B3GALT5: variants seen among roughly 807,000 people sequenced by gnomAD.
B3GALT5 encodes the protein beta-1,3-galactosyltransferase 5.
For synonymous variants in B3GALT5, 156 were observed against 158.6 expected (o/e 0.98, Z 0.12); for missense variants, 328 against 396.6 (o/e 0.83, Z 1.47).
intron 2 of B3GALT5, among the ~76,000 whole-genome samples, chr21:39,656,566 G>T (rs1298606061): frequency 6.6e-6 from 1 of 152,176 alleles, no homozygotes; most frequent in East Asian, 1.9e-4. Context: ...TCATAGTGGG[G>T]CTTGGCCATT....
chr21:39,658,631 G>GAAGA (rs2146216053), intron 2 of B3GALT5, among the ~76,000 whole-genome samples: 1 of 152,258 alleles, frequency 6.6e-6, no homozygotes, highest in Admixed American at 6.5e-5. Context: ...AGGAAGGAAG[G>GAAGA]AGAGAAGGAA....
chr21:39,632,592 A>G (rs2079199346), intron 1 of B3GALT5, among the ~76,000 whole-genome samples: 1 of 152,240 alleles, frequency 6.6e-6, no homozygotes, highest in Non-Finnish European at 1.5e-5. Flanking sequence ...AATGGCCCCC[A>G]TTTTAACAGA....
At chr21:39,615,552 T>A (rs2079103186) in intron 1 of B3GALT5, among the ~76,000 whole-genome samples, 1 of 152,242 alleles carries the variant, frequency 6.6e-6, no homozygotes, top group African/African-American at 2.4e-5. Flanking sequence ...GAGTGGCTGA[T>A]CATTCATTCA....
chr21:39,632,038 A>C (rs1246817094), intron 1 of B3GALT5, among the ~76,000 whole-genome samples: 1 of 152,242 alleles, frequency 6.6e-6, no homozygotes, highest in Non-Finnish European at 1.5e-5. Flanking sequence ...ATGGATTGCC[A>C]CTGTGAAGTT....
chr21:39,658,281 G>T (rs2079469811), intron 2 of B3GALT5, among the ~76,000 whole-genome samples: 1 of 152,034 alleles, frequency 6.6e-6, no homozygotes, highest in South Asian at 2.1e-4. Flanking sequence ...CACCTGCTCT[G>T]CCTCCTGGGA....
intron 1 of B3GALT5, among the ~76,000 whole-genome samples, chr21:39,639,112 T>C (rs1190371642): frequency 6.6e-6 from 1 of 152,198 alleles, no homozygotes; most frequent in African/African-American, 2.4e-5. Flanking sequence ...ATTTCTGCCA[T>C]GTAGACGGAA....
intron 1 of B3GALT5, among the ~76,000 whole-genome samples, chr21:39,642,873 C>CAAAAAAAAAA (rs1210751363): frequency 2.0e-5 from 2 of 100,078 alleles, no homozygotes; most frequent in Non-Finnish European, 4.5e-5. Flanking sequence ...CCCATTGCCA[C>CAAAAAAAAAA]AAAAAAAAAA....
At chr21:39,637,097 C>T (rs1474510703) in intron 1 of B3GALT5, among the ~76,000 whole-genome samples, 3 of 152,182 alleles carry the variant, frequency 2.0e-5, no homozygotes, top group African/African-American at 7.2e-5. Flanking sequence ...GCCGAGCACA[C>T]GGGGCCAGCA....
At position 39,661,483 on chromosome 21, in the gene B3GALT5, G is replaced by T. The variant is rs753952483; in HGVS notation, c.924G>T (p.Pro308=). Residue 308 remains proline, a synonymous_variant, in exon 4 of 4, where the codon CCG becomes CCT. Transcript: ENST00000684187. This position sits in a 1 kb window ranked among gnomAD's most constrained non-coding sequence, Gnocchi z 4.7. ...AGAATTCCCGGGGGGAAGATTGTCC[G>T]CCTGTCTGAGGGGAGCCCAGAGGCA... ...ALENSRGEDC[P]PV 3 of 1,508,528 alleles carry T rather than the reference G, an allele frequency of 2.0e-6. No homozygotes were observed. 93.4% of individuals were successfully genotyped at this position (1,508,528 alleles called of 1,614,324 possible).
chr21:39,615,505 G>T (rs1279477622), intron 1 of B3GALT5, among the ~76,000 whole-genome samples: 2 of 152,166 alleles, frequency 1.3e-5, no homozygotes, highest in African/African-American at 4.8e-5. Flanking sequence ...AGAAGACATC[G>T]GAGCCAGAAG....
intron 1 of B3GALT5, among the ~76,000 whole-genome samples, chr21:39,634,373 TG>T (rs1330051360): frequency 6.6e-6 from 1 of 152,016 alleles, no homozygotes; most frequent in African/African-American, 2.4e-5. Flanking sequence ...ACTTCAGAGG[TG>T]GGAAAACGTT....
At chr21:39,633,210 C>T (rs557952393) in intron 1 of B3GALT5, among the ~76,000 whole-genome samples, 1 of 152,022 alleles carries the variant, frequency 6.6e-6, no homozygotes, top group African/African-American at 2.4e-5. Context: ...TCTGTGGACC[C>T]CTGGTCTTAT....
chr21:39,617,697 G>A (rs745511720), intron 1 of B3GALT5, among the ~76,000 whole-genome samples: 14 of 152,170 alleles, frequency 9.2e-5, no homozygotes, highest in Non-Finnish European at 1.6e-4. Context: ...AGCCCAGGAC[G>A]GCTTTGAATG....
intron 1 of B3GALT5, among the ~76,000 whole-genome samples, chr21:39,614,159 A>G (rs1233161720): frequency 1.3e-5 from 2 of 152,146 alleles, no homozygotes; most frequent in East Asian, 1.9e-4. Context: ...CCATCTTTAC[A>G]TGTACCTTTT....
At chr21:39,636,052 G>A (rs539762874) in intron 1 of B3GALT5, among the ~76,000 whole-genome samples, 96 of 152,130 alleles carry the variant, frequency 6.3e-4, no homozygotes, top group African/African-American at 2.2e-3. Context: ...ATTTCCATCC[G>A]TGGACATGAT....
intron 1 of B3GALT5, among the ~76,000 whole-genome samples, chr21:39,636,955 C>T (rs969002851): frequency 2.6e-5 from 4 of 152,270 alleles, no homozygotes; most frequent in Admixed American, 2.6e-4. Context: ...CATGTGTTGT[C>T]TTTCTCATTC....
At chr21:39,619,424 G>T (rs1241557017) in intron 1 of B3GALT5, among the ~76,000 whole-genome samples, 1 of 152,012 alleles carries the variant, frequency 6.6e-6, no homozygotes, top group African/African-American at 2.4e-5. Context: ...TCACATTGGG[G>T]TTAGAGCTTT....
At chr21:39,649,068 C>CCT in intron 2 of B3GALT5, among the ~76,000 whole-genome samples, 1 of 152,216 alleles carries the variant, frequency 6.6e-6, no homozygotes, top group Non-Finnish European at 1.5e-5. Flanking sequence ...AAAATGCCTT[C>CCT]CAGCTCTAAA....
At chr21:39,647,587 G>A (rs1254314913) in intron 2 of B3GALT5, among the ~76,000 whole-genome samples, 1 of 152,076 alleles carries the variant, frequency 6.6e-6, no homozygotes, top group Non-Finnish European at 1.5e-5. Flanking sequence ...GAGCTCAAGC[G>A]ATCCACTGAC....
Sources: gnomAD v4.1 joint callset for allele counts (sites outside exome capture counted in the v4.1 genomes callset) on GRCh38, gnomAD v4.1.1 for gene constraint, Gnocchi (gnomAD v3.1) non-coding constraint, MANE v1.5 for transcripts, NCBI Gene and HGNC (gene_info 2026-07-23, HGNC 2026-07-21) for gene names.